PRSS12: variants seen among roughly 807,000 people sequenced by gnomAD.
PRSS12 encodes the protein neurotrypsin.
A neutral mutation model predicts 104.4 loss-of-function variants in PRSS12; 85 were observed. That is an observed-to-expected ratio of 0.81 (90% confidence interval 0.68 to 0.98). PRSS12 has a LOEUF of 0.98. Among genes scored for constraint, PRSS12 ranks in the 50% least tolerant of loss-of-function variants. PRSS12 has a pLI of 0.00. For missense variants in PRSS12, 1,141 were observed against 1,139.2 expected, an observed-to-expected ratio of 1.00 and a Z score of -0.02; for synonymous variants, 454 against 425.2, an observed-to-expected ratio of 1.07 and a Z score of -0.83.
At chr4:118,317,947 A>G (rs1723493449) in intron 5 of PRSS12, among the ~76,000 whole-genome samples, 1 of 152,210 alleles carries the variant, frequency 6.6e-6, no homozygotes. Flanking sequence ...AAAATTGTGC[A>G]TAGCAAAGTT....
chr4:118,335,984 G>A (rs771688585), intron 2 of PRSS12, among the ~76,000 whole-genome samples: 1 of 152,178 alleles, frequency 6.6e-6, no homozygotes, highest in Non-Finnish European at 1.5e-5. Context: ...ACGAGCTTCA[G>A]TGAGGCTTGG....
intron 11 of PRSS12, among the ~76,000 whole-genome samples, chr4:118,286,744 A>T (rs1259650826): frequency 6.6e-6 from 1 of 152,196 alleles, no homozygotes; most frequent in Non-Finnish European, 1.5e-5. Context: ...CCATATTATA[A>T]CAAAACTATC....
intron 1 of PRSS12, among the ~76,000 whole-genome samples, chr4:118,346,541 A>G (rs890651893): frequency 6.6e-6 from 1 of 151,800 alleles, no homozygotes; most frequent in African/African-American, 2.4e-5. Context: ...TGTGAGTAGT[A>G]CCTTATTACT....
intron 1 of PRSS12, among the ~76,000 whole-genome samples, chr4:118,351,145 G>T (rs1215564896): frequency 6.6e-6 from 1 of 152,092 alleles, no homozygotes; most frequent in African/African-American, 2.4e-5. Flanking sequence ...TGAAGGTACT[G>T]ATAAATAAAA....
chr4:118,317,950 G>A (rs1472083154), intron 5 of PRSS12, among the ~76,000 whole-genome samples: 5 of 152,156 alleles, frequency 3.3e-5, no homozygotes, highest in Non-Finnish European at 7.4e-5. Context: ...ATTGTGCATA[G>A]CAAAGTTAAC....
chr4:118,310,036 G>A (rs1041146745), intron 7 of PRSS12, among the ~76,000 whole-genome samples: 4 of 152,174 alleles, frequency 2.6e-5, no homozygotes, highest in Admixed American at 6.6e-5. Context: ...TTTATGGCGT[G>A]CCAACTCTAT....
intron 7 of PRSS12, 91 bp from the exon 8 acceptor site, chr4:118,308,668 T>C: frequency 1.3e-6 from 2 of 1,505,656 alleles, no homozygotes; most frequent in Non-Finnish European, 1.8e-6. Flanking sequence ...TTGTTCTTTT[T>C]AATCAGCTAT....
At chr4:118,339,652 A>T (rs1411942916) in intron 1 of PRSS12, among the ~76,000 whole-genome samples, 1 of 152,228 alleles carries the variant, frequency 6.6e-6, no homozygotes, top group African/African-American at 2.4e-5. Context: ...AATCATCTAA[A>T]ACTCATTCAT....
chr4:118,348,370 G>A (rs1443887066), intron 1 of PRSS12, among the ~76,000 whole-genome samples: 1 of 152,142 alleles, frequency 6.6e-6, no homozygotes, highest in Non-Finnish European at 1.5e-5. Flanking sequence ...ACAGAATGGT[G>A]GGCTCAGTTA....
At chr4:118,346,151 G>C (rs1724348131) in intron 1 of PRSS12, among the ~76,000 whole-genome samples, 1 of 152,134 alleles carries the variant, frequency 6.6e-6, no homozygotes, top group South Asian at 2.1e-4. Context: ...AAGAATAAAG[G>C]CCACGCTTCT....
chr4:118,335,798 C>T, intron 2 of PRSS12, 147 bp from the exon 3 acceptor site: 1 of 787,076 alleles, frequency 1.3e-6, no homozygotes, highest in Non-Finnish European at 2.1e-6. Flanking sequence ...CAAAAGACTA[C>T]ATCAGTTTCA....
At chr4:118,340,234 C>T (rs1235587071) in intron 1 of PRSS12, among the ~76,000 whole-genome samples, 4 of 152,194 alleles carry the variant, frequency 2.6e-5, no homozygotes, top group Admixed American at 6.5e-5. Context: ...TTTTCTCTAA[C>T]GCTCCAAGCA....
At chr4:118,341,015 G>T (rs1254323025) in intron 1 of PRSS12, among the ~76,000 whole-genome samples, 4 of 152,184 alleles carry the variant, frequency 2.6e-5, no homozygotes, top group Non-Finnish European at 2.9e-5. Context: ...AGGTAGGTCA[G>T]ATAAATTTTT....
At chr4:118,295,613 T>A (rs545116398) in intron 10 of PRSS12, among the ~76,000 whole-genome samples, 165 bp downstream of exon 10, 2 of 152,336 alleles carry the variant, frequency 1.3e-5, no homozygotes, top group South Asian at 2.1e-4. Context: ...GTATACCAAG[T>A]AAACATAGGT....
intron 6 of PRSS12, 21 bp from the exon 7 acceptor site, chr4:118,313,418 C>T (rs1375078315): frequency 2.5e-6 from 4 of 1,611,354 alleles, no homozygotes; most frequent in African/African-American, 2.7e-5. Context: ...TGAATAAACA[C>T]TGTGTATAGA....
intron 1 of PRSS12, among the ~76,000 whole-genome samples, chr4:118,349,933 G>A (rs2126047045): frequency 6.6e-6 from 1 of 152,254 alleles, no homozygotes; most frequent in Non-Finnish European, 1.5e-5. Flanking sequence ...AACCAGGGAG[G>A]CGGAGGTTGC....
At chr4:118,299,808 T>TAAAATA (rs1189816114) in intron 8 of PRSS12, among the ~76,000 whole-genome samples, 1 of 91,692 alleles carries the variant, frequency 1.1e-5, no homozygotes, top group African/African-American at 3.9e-5. Context: ...TAAAATAAAA[T>TAAAATA]AAATAAAATA....
At chr4:118,298,341 G>A (rs1389826234) in intron 9 of PRSS12, among the ~76,000 whole-genome samples, 1 of 151,918 alleles carries the variant, frequency 6.6e-6, no homozygotes, top group African/African-American at 2.4e-5. Flanking sequence ...ATATTAGTAA[G>A]ACTTTAGAAA....
At chr4:118,307,749 C>T (rs184929846) in intron 8 of PRSS12, among the ~76,000 whole-genome samples, 131 of 152,238 alleles carry the variant, frequency 8.6e-4, no homozygotes, top group Non-Finnish European at 1.6e-3. Context: ...TTGTAACTCA[C>T]GCCTGAGGGA....
Sources: allele counts gnomAD v4.1 joint callset (sites outside exome capture counted in the v4.1 genomes callset), GRCh38; gene constraint gnomAD v4.1.1; transcripts MANE v1.5; gene names NCBI Gene and HGNC (gene_info 2026-07-23, HGNC 2026-07-21).